The following LPA variants were observed in gnomAD, a reference collection of about 807,000 sequenced individuals.
LPA encodes lipoprotein(a).
LPA carries 199 observed loss-of-function variants against 197.9 expected under a neutral mutation model. That is an observed-to-expected ratio of 1.01 (90% CI 0.90 to 1.13). The LOEUF (loss-of-function observed/expected upper bound fraction) is 1.13. Ranked by LOEUF, LPA falls within the 50% of genes most tolerant of loss-of-function variation. The pLI is 0.00. For missense variants in LPA, 1,853 were observed against 1,785.8 expected (o/e 1.04, Z -0.68); for synonymous variants, 715 against 639.5 (o/e 1.12, Z -1.78).
At chr6:160,533,294 G>T (rs1583561245) in intron 37 of LPA, among the ~76,000 whole-genome samples, 1 of 152,120 alleles carries the variant, frequency 6.6e-6, no homozygotes. Flanking sequence ...CAATAAAAAA[G>T]AATAGTCATC....
intron 16 of LPA, among the ~76,000 whole-genome samples, chr6:160,609,953 T>A (rs1028793536): frequency 3.9e-5 from 6 of 152,136 alleles, no homozygotes; most frequent in Non-Finnish European, 7.3e-5. Context: ...TAAGACATAC[T>A]TTTTGTATAA....
At chr6:160,657,373 T>G (rs1297944215) in intron 1 of LPA, among the ~76,000 whole-genome samples, 1 of 150,384 alleles carries the variant, frequency 6.6e-6, no homozygotes, top group Admixed American at 6.7e-5. Flanking sequence ...ATATTTCAGC[T>G]AACCAAGCAA....
At chr6:160,548,682 A>T in intron 30 of LPA, 23 bp from the exon 31 acceptor site, 1 of 1,613,454 alleles carries the variant, frequency 6.2e-7, no homozygotes, top group South Asian at 1.1e-5. Flanking sequence ...AAGCAATACA[A>T]GTTACAGGAG....
Position 160,559,604 on chromosome 6 carries a change from A to G in LPA, c.4632-2033T>C, listed in dbSNP as rs1053679572. ...TAAGAAACCATCTGACTGATTTTTT[A>G]ATTCGTTTTATCATTTTGATCTTCC... On this transcript the variant is annotated intron_variant, in intron 28 of 38. Coordinates refer to ENST00000316300, the MANE Select transcript of LPA (RefSeq NM_005577.4). 4.6e-5 allele frequency among the ~76,000 whole-genome samples: 7 copies of G among 152,258 alleles called. No homozygotes were observed. The South Asian group carries it at 8.3e-4, about 18-fold the overall frequency.
At chr6:160,566,922 C>A (rs1051416654) in intron 28 of LPA, among the ~76,000 whole-genome samples, 4 of 151,996 alleles carry the variant, frequency 2.6e-5, no homozygotes, top group Non-Finnish European at 5.9e-5. Flanking sequence ...GGTAAAGGGA[C>A]CAATTTAACA....
At chr6:160,543,982 T>A (rs779979736) in intron 33 of LPA, among the ~76,000 whole-genome samples, 1 of 152,160 alleles carries the variant, frequency 6.6e-6, no homozygotes, top group African/African-American at 2.4e-5. Flanking sequence ...TACATCAAAG[T>A]AAGGTGGGGA....
At chr6:160,593,848 A>G (rs1158715098) in intron 22 of LPA, 110 bp downstream of exon 22, 4 of 1,362,368 alleles carry the variant, frequency 2.9e-6, no homozygotes, top group Non-Finnish European at 4.2e-6. Flanking sequence ...TCTACCCAAC[A>G]TTCCAGATCT....
chr6:160,567,470 G>T, intron 28 of LPA, among the ~76,000 whole-genome samples: 1 of 152,180 alleles, frequency 6.6e-6, no homozygotes, highest in East Asian at 1.9e-4. Context: ...CAACATACCA[G>T]AATCTCTGGG....
chr6:160,582,501 T>G (rs1778820656), intron 26 of LPA, among the ~76,000 whole-genome samples: 1 of 152,090 alleles, frequency 6.6e-6, no homozygotes, highest in Non-Finnish European at 1.5e-5. Context: ...TCTAAAGGTG[T>G]TATTCTATTG....
rs1778285797 is a variant in LPA at position 160,557,533 on chromosome 6, C to T, written c.4670G>A (p.Gly1557Glu). Reference protein sequence around the residue: ...TENYCRNPDSGKQPWCYTTDP... With the variant: ...TENYCRNPDSEKQPWCYTTDP... ...GGTTGTGTAACACCAGGGTTGTTTCCCAGAATCTGGATTCCTGCAGTAGTT... is the reference window on the plus strand; with the variant it reads ...GGTTGTGTAACACCAGGGTTGTTTCTCAGAATCTGGATTCCTGCAGTAGTT... Residue 1557 changes from glycine (G) to glutamate (E), a missense_variant, in exon 29 of 39, where the codon GGG (glycine) becomes GAG (glutamate). Transcript: ENST00000316300. The T allele has an allele frequency of 6.2e-7, 1 of 1,614,010 alleles. No homozygotes were observed. The highest frequency in any genetic ancestry group is 8.5e-7 in the Non-Finnish European group (1 of 1,180,004).
intron 28 of LPA, among the ~76,000 whole-genome samples, chr6:160,573,889 T>C (rs908945201): frequency 2.0e-5 from 3 of 152,148 alleles, no homozygotes; most frequent in Admixed American, 1.3e-4. Flanking sequence ...TCTATTTTTG[T>C]GCTGGTTGGC....
Position 160,605,045 on chromosome 6 carries a change from C to A in LPA, c.2945+1G>T, listed in dbSNP as rs201480327. ...ACTTATGGTAAAGAAAATAGACATA[C>A]GCATTTGGGTAGTATGCTGGGGTCC... On this transcript the variant is annotated splice_donor_variant, in intron 18 of 38. Transcript: ENST00000316300. LOFTEE classifies it high-confidence loss of function. 5 of 1,613,586 alleles carry A rather than the reference C, an allele frequency of 3.1e-6. No individual in the cohort carries two copies. The highest frequency in any genetic ancestry group is 1.7e-5 in the Admixed American group (1 of 60,010).
intron 16 of LPA, among the ~76,000 whole-genome samples, chr6:160,607,687 G>C (rs1277254235): frequency 6.9e-6 from 1 of 144,426 alleles, no homozygotes; most frequent in Non-Finnish European, 1.6e-5. Context: ...CCATGGGGAT[G>C]AAACACTGTC....
In LPA at chr6:160,548,592, G is replaced by A; in HGVS notation, c.5041C>T (p.Pro1681Ser). The A allele has an allele frequency of 1.2e-6, 2 of 1,614,024 alleles. No individual in the cohort carries two copies. Among genetic ancestry groups the A allele is most frequent in the Non-Finnish European group, 1.7e-6 (2 of 1,179,994 alleles). ...DTGPWCFTMD[P>S]SIRWEYCNLT... ...TTGCAGTACTCCCACCTGATGCTGG[G>A]GTCCATGGTAAAACACCAAGGGCCT... Residue 1681 changes from proline to serine, a missense_variant, in exon 31 of 39, where the codon CCC becomes TCC. Pro to Ser is a moderately conservative substitution (Grantham distance 74). This residue lies in a region of LPA where 1,737 missense variants were observed against 1,504.4 expected (regional missense o/e 1.15). Transcript: ENST00000316300.
chr6:160,595,228 G>T, intron 21 of LPA, 126 bp downstream of exon 21: 1 of 1,203,984 alleles, frequency 8.3e-7, no homozygotes, highest in Non-Finnish European at 1.2e-6. Context: ...CTTCCCAGTG[G>T]CTGACCCTGA....
At chr6:160,586,750 A>G in intron 24 of LPA, 120 bp from the exon 25 acceptor site, 1 of 1,378,274 alleles carries the variant, frequency 7.3e-7, no homozygotes, top group East Asian at 2.4e-5. Context: ...TTCTCACTAA[A>G]GTCCCATAAC....
intron 17 of LPA, among the ~76,000 whole-genome samples, chr6:160,605,618 G>A (rs1779333655): frequency 3.9e-5 from 6 of 152,184 alleles, no homozygotes; most frequent in Admixed American, 2.0e-4. Context: ...CATACATGGT[G>A]ATTGGGTGTT....
intron 26 of LPA, among the ~76,000 whole-genome samples, chr6:160,583,514 C>G (rs921533989): frequency 6.6e-6 from 1 of 152,142 alleles, no homozygotes; most frequent in African/African-American, 2.4e-5. Context: ...TCAGGCTGGT[C>G]AGAGCTCAAA....
At chr6:160,544,463 A>G (rs1778031578) in intron 33 of LPA, among the ~76,000 whole-genome samples, 1 of 152,094 alleles carries the variant, frequency 6.6e-6, no homozygotes, top group Non-Finnish European at 1.5e-5. Flanking sequence ...AATCTTTCCT[A>G]TCACCCTAAC....
Sources: gnomAD v4.1 joint callset for allele counts (sites outside exome capture counted in the v4.1 genomes callset) on GRCh38, gnomAD v4.1.1 for gene constraint, gnomAD v4.1.1 regional missense constraint, MANE v1.5 for transcripts, NCBI Gene and HGNC (gene_info 2026-07-23, HGNC 2026-07-21) for gene names.